Variants in LRRC8D observed in about 807,000 individuals in gnomAD.
LRRC8D encodes leucine rich repeat containing 8 VRAC subunit D, also known as volume-regulated anion channel subunit LRRC8D.
In LRRC8D, 20 loss-of-function variants were observed where a neutral mutation model predicts 55.8. That is an observed-to-expected ratio of 0.36 (90% CI 0.25 to 0.52). The LOEUF (loss-of-function observed/expected upper bound fraction) is 0.52, where lower values mean the gene tolerates loss of function less well. LRRC8D is among the 20% of genes least tolerant of loss of function. The pLI is 0.93. For synonymous variants in LRRC8D, 352 were observed against 377.0 expected (o/e 0.93, Z 0.77); for missense variants, 651 against 1,030.8 (o/e 0.63, Z 5.05).
rs1298487006 is a variant in LRRC8D at position 89,933,464 on chromosome 1, A to T, written c.396A>T (p.Lys132Asn). ...ATCAGGAGGCAAAGAAAGAGAAGAAAGATCCAACAGGTCGAAAAACAAACT... is the reference window on the plus strand; with the variant it reads ...ATCAGGAGGCAAAGAAAGAGAAGAATGATCCAACAGGTCGAAAAACAAACT... ...LPNQEAKKEKKDPTGRKTNLD... is the reference protein window; with the variant it reads ...LPNQEAKKEKNDPTGRKTNLD... Residue 132 changes from lysine to asparagine, a missense_variant, in exon 3 of 3, where the codon AAA becomes AAT. Lys to Asn is a moderately conservative substitution (Grantham distance 94). Around this residue, in one of 5 missense-constraint regions of LRRC8D, gnomAD observed 118 missense variants for 138.0 expected, o/e 0.85. Coordinates refer to ENST00000337338, the MANE Select transcript of LRRC8D (RefSeq NM_001134479.2). The surrounding 1 kb of genome is among the most constrained non-coding windows in gnomAD (Gnocchi z 7.0). 6.2e-7 allele frequency: 1 copy of T among 1,614,078 alleles called. No homozygotes were observed. The highest frequency in any genetic ancestry group is 1.3e-5 in the African/African-American group (1 of 74,922).
In LRRC8D at chr1:89,934,481, G is replaced by A; in HGVS notation, c.1413G>A (p.Lys471=). The change falls in exon 3 of 3, where the codon AAG becomes AAA. Residue 471 remains lysine, a synonymous_variant. Transcript: ENST00000337338. This position sits in a 1 kb window ranked among gnomAD's most constrained non-coding sequence, Gnocchi z 5.9. ...ACATTTCACGCAACGCCCAGGACAA[G>A]CAGGAGTTGCATCTGTTCATGCTGT... is the stretch of plus-strand genomic sequence containing the variant. ...RQHISRNAQD[K]QELHLFMLSG... 3.1e-6 allele frequency: 5 copies of A among 1,614,182 alleles called. No individual in the cohort carries two copies. The highest frequency in any genetic ancestry group is 1.1e-5 in the South Asian group (1 of 91,080).
intron 2 of LRRC8D, among the ~76,000 whole-genome samples, chr1:89,847,501 G>A (rs1050445952): frequency 6.6e-6 from 1 of 152,216 alleles, no homozygotes; most frequent in South Asian, 2.1e-4. Flanking sequence ...TGAACCAGCC[G>A]TGCATCTCTT....
At chr1:89,822,301 G>C (rs1400034248) in intron 1 of LRRC8D, 1 of 152,840 alleles carries the variant, frequency 6.5e-6, no homozygotes, top group Admixed American at 6.5e-5. Flanking sequence ...GCCGAGATGA[G>C]AGGGAGGGCG....
intron 2 of LRRC8D, among the ~76,000 whole-genome samples, chr1:89,901,804 A>G (rs1662860150): frequency 6.6e-6 from 1 of 152,220 alleles, no homozygotes; most frequent in South Asian, 2.1e-4. Flanking sequence ...TTTATGGTTT[A>G]TTATTTAAAT....
chr1:89,914,801 TC>T (rs1663220406), intron 2 of LRRC8D, among the ~76,000 whole-genome samples: 1 of 151,754 alleles, frequency 6.6e-6, no homozygotes, highest in Non-Finnish European at 1.5e-5. Context: ...AGTCTCGAAC[TC>T]CTGGGCTCAA....
chr1:89,916,393 AC>A (rs1391289572), intron 2 of LRRC8D, among the ~76,000 whole-genome samples: 1 of 152,272 alleles, frequency 6.6e-6, no homozygotes, highest in East Asian at 1.9e-4. Context: ...TTGAAATAGA[AC>A]AAAAGTTATA....
intron 1 of LRRC8D, among the ~76,000 whole-genome samples, chr1:89,837,346 A>C (rs1015920695): frequency 6.6e-6 from 1 of 152,192 alleles, no homozygotes; most frequent in African/African-American, 2.4e-5. Context: ...TTCTTGCTAC[A>C]AACTGGAAAG....
At chr1:89,836,587 A>G (rs1661009816) in intron 1 of LRRC8D, among the ~76,000 whole-genome samples, 1 of 152,176 alleles carries the variant, frequency 6.6e-6, no homozygotes, top group Non-Finnish European at 1.5e-5. Context: ...ATGGAACTTT[A>G]CTGATAGTGT....
At chr1:89,868,137 G>T (rs909693848) in intron 2 of LRRC8D, among the ~76,000 whole-genome samples, 2 of 152,144 alleles carry the variant, frequency 1.3e-5, no homozygotes, top group Admixed American at 1.3e-4. Context: ...GCACAATCAA[G>T]CCAAAGAATG....
intron 2 of LRRC8D, among the ~76,000 whole-genome samples, chr1:89,932,790 C>T (rs1471775354): frequency 6.6e-6 from 1 of 152,212 alleles, no homozygotes; most frequent in Non-Finnish European, 1.5e-5. Context: ...GTCATACCCT[C>T]CTTCAAGGTC....
In LRRC8D at chr1:89,843,461, A is replaced by C. The variant is rs1413245627; in HGVS notation, c.-147-177A>C. The C allele has an allele frequency of 7.1e-6, 3 of 425,318 alleles. No individual in the cohort carries two copies. The East Asian group carries it at 1.2e-4, about 16-fold the overall frequency. 26.3% of individuals were successfully genotyped at this position (425,318 alleles called of 1,614,324 possible). A position where few individuals can be genotyped will look rare whatever the true frequency, so the allele number is the denominator to read the frequency against. On this transcript the variant is annotated intron_variant, in intron 1 of 2. Coordinates refer to ENST00000337338, the MANE Select transcript of LRRC8D (RefSeq NM_001134479.2). Reference sequence around the variant, plus strand: ...GCCGAGGCCGCGCCACCTCGGCACCACGCGGGCAGCCGGTGCGGCGGGGTC... The same window carrying C: ...GCCGAGGCCGCGCCACCTCGGCACCCCGCGGGCAGCCGGTGCGGCGGGGTC...
At chr1:89,910,733 T>C (rs1663114747) in intron 2 of LRRC8D, among the ~76,000 whole-genome samples, 1 of 152,214 alleles carries the variant, frequency 6.6e-6, no homozygotes, top group Non-Finnish European at 1.5e-5. Flanking sequence ...TCAGTAAAAC[T>C]GAAGCAGTAA....
At chr1:89,901,839 A>G (rs951493548) in intron 2 of LRRC8D, among the ~76,000 whole-genome samples, 4 of 152,250 alleles carry the variant, frequency 2.6e-5, no homozygotes, top group Admixed American at 6.5e-5. Context: ...GAGGAACGCT[A>G]TAATCTTTGC....
Position 89,857,555 on chromosome 1 carries a change from C to A in LRRC8D, c.-3+13773C>A, listed in dbSNP as rs145986674. On this transcript the variant is annotated intron_variant, in intron 2 of 2. Transcript: ENST00000337338. ...TGAGAAAGAAAGAGGTAAATCACAG[C>A]GAAATAAGCTGAAAATCTATGATTC... 4.6e-5 allele frequency among the ~76,000 whole-genome samples: 7 copies of A among 152,066 alleles called. 1 individual carries two copies. The highest frequency in any genetic ancestry group is 4.6e-4 in the Admixed American group (7 of 15,282).
At chr1:89,831,806 T>C (rs1305451492) in intron 1 of LRRC8D, among the ~76,000 whole-genome samples, 2 of 152,136 alleles carry the variant, frequency 1.3e-5, no homozygotes, top group African/African-American at 2.4e-5. Flanking sequence ...GAACAGCTGA[T>C]AGCAAAAAGT....
rs778010158 is a variant in LRRC8D at position 89,934,706 on chromosome 1, C to G, written c.1638C>G (p.Phe546Leu). The stretch of plus-strand genomic sequence containing the variant: ...ACTTGAGATGCCTTCACGTGAAGTT[C>G]ACTGATGTGGCTGAAATTCCTGCCT... ...RDHLRCLHVK[F>L]TDVAEIPAWV... The change falls in exon 3 of 3, where the codon TTC (phenylalanine) becomes TTG (leucine). Residue 546 changes from phenylalanine (F) to leucine (L), a missense_variant. Coordinates refer to ENST00000337338, the MANE Select transcript of LRRC8D (RefSeq NM_001134479.2). The surrounding 1 kb of genome is among the most constrained non-coding windows in gnomAD (Gnocchi z 5.9). 6.2e-7 allele frequency: 1 copy of G among 1,614,142 alleles called. No individual in the cohort carries two copies. Among genetic ancestry groups the G allele is most frequent in the Non-Finnish European group, 8.5e-7 (1 of 1,180,034 alleles).
At position 89,917,552 on chromosome 1, in the gene LRRC8D, C is replaced by G. The variant is rs1430043088; in HGVS notation, c.-2-15515C>G. 2.0e-5 allele frequency among the ~76,000 whole-genome samples: 3 copies of G among 152,116 alleles called. No individual in the cohort carries two copies. In the East Asian group the frequency reaches 5.8e-4, roughly 29 times the overall value. On this transcript the variant is annotated intron_variant, in intron 2 of 2. Transcript: ENST00000337338. ...TTCTCTGGTCATTCTTTGTTCCCCT[C>G]TCTCCACAGGGCCTTTGCACATTCT...
intron 2 of LRRC8D, among the ~76,000 whole-genome samples, chr1:89,849,151 A>T (rs1319309956): frequency 6.6e-6 from 1 of 152,232 alleles, no homozygotes; most frequent in Non-Finnish European, 1.5e-5. Context: ...CTTGAACTAG[A>T]CTATGTAAAG....
chr1:89,931,258 G>GA (rs772353702), intron 2 of LRRC8D, among the ~76,000 whole-genome samples: 2,479 of 70,288 alleles, frequency 0.035, 48 homozygotes, highest in East Asian at 0.083. Context: ...AAGGGTTTCG[G>GA]AAAAAAAAAA....
Sources: gnomAD v4.1 joint callset for allele counts (sites outside exome capture counted in the v4.1 genomes callset) on GRCh38, gnomAD v4.1.1 for gene constraint, gnomAD v4.1.1 regional missense constraint, Gnocchi (gnomAD v3.1) non-coding constraint, MANE v1.5 for transcripts, NCBI Gene and HGNC (gene_info 2026-07-23, HGNC 2026-07-21) for gene names.